MPP7: variants seen among roughly 807,000 people sequenced by gnomAD.
MPP7 encodes the protein MAGUK p55 subfamily member 7.
Under a neutral mutation model 76.5 loss-of-function variants are expected in MPP7, and 60 were observed. The ratio of observed to expected loss-of-function variants is 0.78; its 90% CI spans 0.64 to 0.97. The LOEUF (loss-of-function observed/expected upper bound fraction) is 0.97. Ranked by LOEUF, MPP7 falls within the 50% of genes least tolerant of loss-of-function variation. The pLI, the probability that MPP7 is intolerant of heterozygous loss-of-function variation, is 0.00. For synonymous variants in MPP7, 237 were observed against 244.5 expected, an observed-to-expected ratio of 0.97 and a Z score of 0.29; for missense variants, 641 against 694.0, an observed-to-expected ratio of 0.92 and a Z score of 0.86.
At chr10:28,151,708 T>G (rs1171654663) in intron 3 of MPP7, among the ~76,000 whole-genome samples, 1 of 152,210 alleles carries the variant, frequency 6.6e-6, no homozygotes, top group Non-Finnish European at 1.5e-5. Flanking sequence ...CCATCTCATT[T>G]TACAGATAAA....
At chr10:28,132,774 A>G (rs1835235415) in intron 5 of MPP7, among the ~76,000 whole-genome samples, 1 of 151,740 alleles carries the variant, frequency 6.6e-6, no homozygotes, top group African/African-American at 2.4e-5. Flanking sequence ...AGTTTTTTGT[A>G]TTTTCAGTAG....
chr10:28,182,359 T>C (rs1273533703), intron 3 of MPP7, among the ~76,000 whole-genome samples: 1 of 152,202 alleles, frequency 6.6e-6, no homozygotes, highest in Non-Finnish European at 1.5e-5. Context: ...AAAATTAAAG[T>C]CTAACAATTC....
At chr10:28,302,592 G>A (rs564286645) in intron 1 of MPP7, among the ~76,000 whole-genome samples, 153 of 151,806 alleles carry the variant, frequency 1.0e-3, no homozygotes, top group Non-Finnish European at 1.7e-3. Context: ...GCCCCCGCCC[G>A]GAGTCCCGCG....
chr10:28,103,443 A>C (rs1437822972), intron 11 of MPP7, among the ~76,000 whole-genome samples: 1 of 152,122 alleles, frequency 6.6e-6, no homozygotes, highest in African/African-American at 2.4e-5. Context: ...CACTGCTTGG[A>C]ATGCTTATTC....
At chr10:28,304,772 C>T (rs1841240204), upstream of MPP7, among the ~76,000 whole-genome samples, 1 of 152,054 alleles carries the variant, frequency 6.6e-6, no homozygotes, top group African/African-American at 2.4e-5. Context: ...CCTGAAATTC[C>T]ATCACTAACA....
chr10:28,238,838 G>T, intron 1 of MPP7, 103 bp from the exon 2 acceptor site: 9 of 491,222 alleles, frequency 1.8e-5, no homozygotes, highest in South Asian at 1.1e-4. Flanking sequence ...CTATTGGAGA[G>T]ATCGCAACTC....
At chr10:28,142,567 C>CA (rs1191958887) in intron 5 of MPP7, among the ~76,000 whole-genome samples, 1 of 152,046 alleles carries the variant, frequency 6.6e-6, no homozygotes, top group Non-Finnish European at 1.5e-5. Flanking sequence ...CCCGAATTGT[C>CA]AAAAAACACA....
In MPP7 at chr10:28,216,675, T is replaced by C. The variant is rs142395533; in HGVS notation, c.38-14404A>G. Among the ~76,000 whole-genome samples the C allele has an allele frequency of 5.9e-5, 9 of 152,342 alleles. No individual in the cohort carries two copies. The East Asian group carries it at 1.5e-3, about 26-fold the overall frequency. Reference sequence around the variant, plus strand: ...ACATAATAAACACACACACTGGAGATGACCAGCTATGGCATACAGATGTGG... The same window carrying C: ...ACATAATAAACACACACACTGGAGACGACCAGCTATGGCATACAGATGTGG... On this transcript the variant is annotated intron_variant, in intron 2 of 16. Transcript: ENST00000683449.
At chr10:28,130,035 T>A (rs1835142940) in intron 6 of MPP7, among the ~76,000 whole-genome samples, 1 of 152,192 alleles carries the variant, frequency 6.6e-6, no homozygotes, top group African/African-American at 2.4e-5. Context: ...ATAACCTGTG[T>A]TCACAGCCTG....
At chr10:28,060,686 A>G (rs1441675252) in intron 13 of MPP7, among the ~76,000 whole-genome samples, 1 of 152,226 alleles carries the variant, frequency 6.6e-6, no homozygotes, top group Admixed American at 6.5e-5. Context: ...GGGGGGTAGA[A>G]AAAGTCCTTG....
chr10:28,250,198 C>T (rs147639458), intron 1 of MPP7, among the ~76,000 whole-genome samples: 52 of 152,206 alleles, frequency 3.4e-4, no homozygotes, highest in Admixed American at 2.2e-3. Context: ...TGGAGAGATG[C>T]TCAATAGAGT....
chr10:28,257,211 G>A (rs948686340), intron 1 of MPP7, among the ~76,000 whole-genome samples: 4 of 152,032 alleles, frequency 2.6e-5, no homozygotes, highest in East Asian at 1.9e-4. Context: ...GCAATTCAGC[G>A]TTTCATGTCA....
At chr10:28,292,176 G>A (rs905193565) in intron 1 of MPP7, among the ~76,000 whole-genome samples, 1 of 152,202 alleles carries the variant, frequency 6.6e-6, no homozygotes, top group Non-Finnish European at 1.5e-5. Flanking sequence ...GGAGCAACGG[G>A]CTATACCATA....
intron 3 of MPP7, among the ~76,000 whole-genome samples, chr10:28,164,912 C>T (rs1836394622): frequency 6.6e-6 from 1 of 152,156 alleles, no homozygotes; most frequent in African/African-American, 2.4e-5. Flanking sequence ...CACCACTATA[C>T]ATATATCCAT....
At chr10:28,306,956 A>G (rs2133170048), upstream of MPP7, among the ~76,000 whole-genome samples, 1 of 152,246 alleles carries the variant, frequency 6.6e-6, no homozygotes, top group Middle Eastern at 3.4e-3. Flanking sequence ...TGTCAGAGAA[A>G]TGATGTTCCA....
chr10:28,266,898 GTGTTTCT>G (rs1416478493), intron 1 of MPP7, among the ~76,000 whole-genome samples: 1 of 152,164 alleles, frequency 6.6e-6, no homozygotes, highest in Non-Finnish European at 1.5e-5. Context: ...TGCTCAATAA[GTGTTTCT>G]TGTTCCAACT....
intron 1 of MPP7, among the ~76,000 whole-genome samples, chr10:28,253,755 G>A (rs952317563): frequency 2.0e-5 from 3 of 151,706 alleles, no homozygotes; most frequent in Non-Finnish European, 4.4e-5. Context: ...CAGCATTTTC[G>A]GAGGCCAAGG....
chr10:28,226,918 G>A (rs1274725674), intron 2 of MPP7, among the ~76,000 whole-genome samples: 1 of 152,168 alleles, frequency 6.6e-6, no homozygotes, highest in Non-Finnish European at 1.5e-5. Context: ...GGCATGCAAT[G>A]TAGTAAACTA....
intron 2 of MPP7, among the ~76,000 whole-genome samples, chr10:28,230,457 T>G (rs925161749): frequency 5.9e-5 from 9 of 152,122 alleles, no homozygotes; most frequent in African/African-American, 2.2e-4. Context: ...AAAAAAAAAG[T>G]ATATACTTCA....
Sources: allele counts gnomAD v4.1 joint callset (sites outside exome capture counted in the v4.1 genomes callset), GRCh38; gene constraint gnomAD v4.1.1; transcripts MANE v1.5; gene names NCBI Gene and HGNC (gene_info 2026-07-23, HGNC 2026-07-21).